The following BRF1 variants were observed in gnomAD, a reference collection of about 807,000 sequenced individuals.
The protein encoded by BRF1 is BRF1 general transcription factor IIIB subunit.
Under a neutral mutation model 81.7 loss-of-function variants are expected in BRF1, and 59 were observed. That is an observed-to-expected ratio of 0.72 (90% CI 0.59 to 0.90). The LOEUF (loss-of-function observed/expected upper bound fraction) is 0.90, where lower values mean the gene tolerates loss of function less well. Ranked by LOEUF, BRF1 falls within the 40% of genes least tolerant of loss-of-function variation. The pLI, the probability that BRF1 is intolerant of heterozygous loss-of-function variation, is 0.00. For synonymous variants in BRF1, 491 were observed against 395.6 expected, an observed-to-expected ratio of 1.24 and a Z score of -2.86; for missense variants, 1,050 against 936.3, an observed-to-expected ratio of 1.12 and a Z score of -1.58.
chr14:105,247,658 G>A (rs587595801), intron 5 of BRF1: 1 of 985,456 alleles, frequency 1.0e-6, no homozygotes, highest in African/African-American at 1.7e-5. Flanking sequence ...GACCCGAGAT[G>A]CTGGCTGCGT....
At chr14:105,294,073 G>A (rs1381276227) in intron 1 of BRF1, among the ~76,000 whole-genome samples, 2 of 152,174 alleles carry the variant, frequency 1.3e-5, no homozygotes, top group Non-Finnish European at 1.5e-5. Context: ...CCACTGTGAC[G>A]AGGGAGGAAG....
In BRF1 at chr14:105,209,842, C is replaced by T. The variant is rs1017429397; in HGVS notation, c.*709G>A. On this transcript the variant is annotated 3_prime_UTR_variant, in exon 18 of 18. Coordinates refer to ENST00000547530, the MANE Select transcript of BRF1 (RefSeq NM_001519.4). Reference sequence around the variant, plus strand: ...GCCGGCAGCCGCAGGGCTCCTGGGCCCACAACTCAAGTGGCCCTGGAGCAG... The same window carrying T: ...GCCGGCAGCCGCAGGGCTCCTGGGCTCACAACTCAAGTGGCCCTGGAGCAG... The T allele has an allele frequency of 1.4e-5, 7 of 498,408 alleles. No individual in the cohort carries two copies. Among genetic ancestry groups the T allele is most frequent in the African/African-American group, 1.4e-4 (7 of 49,876 alleles). The allele number at this position is 498,408 out of a possible 1,614,324, so 30.9% of individuals were successfully genotyped here. A position where few individuals can be genotyped will look rare whatever the true frequency, so the allele number is the denominator to read the frequency against.
intron 6 of BRF1, among the ~76,000 whole-genome samples, chr14:105,229,215 G>T (rs944302437): frequency 6.6e-6 from 1 of 152,214 alleles, no homozygotes; most frequent in Non-Finnish European, 1.5e-5. Flanking sequence ...ATGACTGTGC[G>T]GGAAACACAG....
chr14:105,298,183 T>C (rs1482565138), intron 1 of BRF1, among the ~76,000 whole-genome samples: 1 of 152,062 alleles, frequency 6.6e-6, no homozygotes, highest in Non-Finnish European at 1.5e-5. Flanking sequence ...ACACTTCTGG[T>C]CCCAAGCATT....
intron 5 of BRF1, among the ~76,000 whole-genome samples, chr14:105,245,529 G>A (rs1349066299): frequency 1.3e-5 from 2 of 152,130 alleles, no homozygotes; most frequent in Non-Finnish European, 2.9e-5. Flanking sequence ...CCAACAGCCA[G>A]TATGGTGCTG....
intron 11 of BRF1, 140 bp from the exon 12 acceptor site, chr14:105,220,270 C>T (rs587719523): frequency 4.4e-5 from 37 of 848,652 alleles, no homozygotes; most frequent in Non-Finnish European, 6.4e-5. Flanking sequence ...ACTGGTGGGT[C>T]GCGCCCTGTC....
At chr14:105,264,517 A>T (rs181800360) in intron 3 of BRF1, among the ~76,000 whole-genome samples, 23 of 152,024 alleles carry the variant, frequency 1.5e-4, no homozygotes, top group Admixed American at 8.5e-4. Context: ...ACAAAAAAAA[A>T]TTAGCCGGGC....
intron 2 of BRF1, among the ~76,000 whole-genome samples, 170 bp downstream of exon 2, chr14:105,286,126 G>A (rs1392984859): frequency 6.6e-6 from 1 of 152,182 alleles, no homozygotes; most frequent in Non-Finnish European, 1.5e-5. Flanking sequence ...ACCCAGGAGG[G>A]GACTCAGGGC....
At chr14:105,270,543 C>T (rs1050536995) in intron 3 of BRF1, among the ~76,000 whole-genome samples, 1 of 151,548 alleles carries the variant, frequency 6.6e-6, no homozygotes, top group Non-Finnish European at 1.5e-5. Flanking sequence ...AATCCCAGCA[C>T]TTTGGGAGGC....
chr14:105,223,477 C>T (rs587767683), intron 10 of BRF1, among the ~76,000 whole-genome samples: 11 of 108,034 alleles, frequency 1.0e-4, no homozygotes, highest in East Asian at 2.0e-4. Flanking sequence ...CCGACTGCCA[C>T]GCCACAACAC....
At chr14:105,222,488 T>G (rs1318088284) in intron 10 of BRF1, 3 of 152,282 alleles carry the variant, frequency 2.0e-5, no homozygotes, top group Non-Finnish European at 4.4e-5. Context: ...GAAATGCAAA[T>G]GAAACCACCC....
intron 5 of BRF1, chr14:105,248,569 T>TCGTACGGGCTCGGG: frequency 1.8e-6 from 1 of 542,156 alleles, no homozygotes; most frequent in African/African-American, 3.2e-5. Context: ...GGGTACGGGC[T>TCGTACGGGCTCGGG]CGGGCGGGCG....
chr14:105,222,038 C>A (rs967102628), intron 10 of BRF1, 124 bp from the exon 11 acceptor site: 2 of 1,264,634 alleles, frequency 1.6e-6, no homozygotes, highest in Non-Finnish European at 2.1e-6. Context: ...CGGTGCCTGG[C>A]GGTCAGGTGC....
In BRF1 at chr14:105,241,399, A is replaced by T; in HGVS notation, c.560T>A (p.Ile187Asn). Residue 187 changes from isoleucine to asparagine, a missense_variant, in exon 6 of 18, where the codon ATT becomes AAT. Around this residue, in one of 2 missense-constraint regions of BRF1, gnomAD observed 1,043 missense variants for 915.4 expected, o/e 1.14. Coordinates refer to ENST00000547530, the MANE Select transcript of BRF1 (RefSeq NM_001519.4). The part of the protein sequence containing the change: ...NAPAIDPCLY[I>N]PRFAHLLEFG... ...TTCCAGCAGGTGCGCAAAGCGTGGA[A>T]TATACAGGCACGGGTCTGCGGCAGA... The T allele has an allele frequency of 1.2e-6, 2 of 1,612,398 alleles. No individual in the cohort carries two copies. Among genetic ancestry groups the T allele is most frequent in the Non-Finnish European group, 8.5e-7 (1 of 1,179,906 alleles).
chr14:105,314,515 C>G (rs1045872818), intron 1 of BRF1: 1 of 147,588 alleles, frequency 6.8e-6, no homozygotes, highest in East Asian at 2.0e-4. Flanking sequence ...AGTGCGCGCT[C>G]TCGCGCACCG....
At chr14:105,253,259 C>A (rs587629719) in intron 4 of BRF1, among the ~76,000 whole-genome samples, 1 of 152,326 alleles carries the variant, frequency 6.6e-6, no homozygotes, top group Non-Finnish European at 1.5e-5. Context: ...CCCTAAGGAG[C>A]CCTGCTGGCT....
At chr14:105,218,170 G>A (rs1416612658) in intron 14 of BRF1, among the ~76,000 whole-genome samples, 1 of 152,146 alleles carries the variant, frequency 6.6e-6, no homozygotes, top group African/African-American at 2.4e-5. Context: ...CTGCAGCAGA[G>A]ATGGCTACTC....
intron 6 of BRF1, among the ~76,000 whole-genome samples, chr14:105,241,027 C>T (rs919406840): frequency 1.3e-5 from 2 of 152,228 alleles, no homozygotes; most frequent in Admixed American, 6.5e-5. Context: ...GGGTCAAGGC[C>T]GCTCTGCCCT....
intron 15 of BRF1, among the ~76,000 whole-genome samples, chr14:105,214,915 G>A (rs930458036): frequency 6.6e-6 from 1 of 152,156 alleles, no homozygotes; most frequent in Non-Finnish European, 1.5e-5. Context: ...TGCCCCCATG[G>A]GCTGCAAGGG....
Sources: allele counts gnomAD v4.1 joint callset (sites outside exome capture counted in the v4.1 genomes callset), GRCh38; gene constraint gnomAD v4.1.1; regional missense constraint gnomAD v4.1.1; transcripts MANE v1.5; gene names NCBI Gene and HGNC (gene_info 2026-07-23, HGNC 2026-07-21).